The following MLPH variants were observed in gnomAD, a reference collection of about 807,000 sequenced individuals.
MLPH encodes exophilin-3.
A neutral mutation model predicts 72.1 loss-of-function variants in MLPH; 51 were observed. The observed-to-expected ratio is 0.71, with a 90% CI of 0.56 to 0.89. The LOEUF (loss-of-function observed/expected upper bound fraction) is 0.89. Ranked by LOEUF, MLPH falls within the 40% of genes least tolerant of loss-of-function variation. The pLI is 0.00. For synonymous variants in MLPH, 301 were observed against 310.1 expected (o/e 0.97, Z 0.31); for missense variants, 743 against 759.9 (o/e 0.98, Z 0.26).
Position 237,525,790 on chromosome 2 carries a change from A to C in MLPH, c.865A>C (p.Thr289Pro). ...PGGSHRMALG[T>P]AAALGSNVIR... ...AGGCTCCCACAGGATGGCCCTGGGGACTGCTGCTGCACTCGGTAGGTGCCC... is the reference window on the plus strand; with the variant it reads ...AGGCTCCCACAGGATGGCCCTGGGGCCTGCTGCTGCACTCGGTAGGTGCCC... Residue 289 changes from threonine (T) to proline (P), a missense_variant, in exon 7 of 16, where the codon ACT becomes CCT. Coordinates refer to ENST00000264605, the MANE Select transcript of MLPH (RefSeq NM_024101.7). 6.2e-7 allele frequency: 1 copy of C among 1,612,820 alleles called. No homozygotes were observed. Among genetic ancestry groups the C allele is most frequent in the Non-Finnish European group, 8.5e-7 (1 of 1,180,012 alleles).
At position 237,510,363 on chromosome 2, in the gene MLPH, AC is replaced by A. The variant is rs1319493681; in HGVS notation, c.111-209del. Reference sequence around the variant, plus strand: ...AACGTGTTTCCATTCCATTCCAGCCACCAAAATTGCCCGTTTGAGCTCAGCC... The same window carrying A: ...AACGTGTTTCCATTCCATTCCAGCCACAAAATTGCCCGTTTGAGCTCAGCC... On this transcript the variant is annotated intron_variant, in intron 2 of 15. Transcript: ENST00000264605. This position sits in a 1 kb window ranked among gnomAD's most constrained non-coding sequence, Gnocchi z 4.4. The A allele has an allele frequency of 1.3e-5, 8 of 629,200 alleles. No homozygotes were observed. The Admixed American group carries it at 1.9e-4, about 15-fold the overall frequency. The allele number at this position is 629,200 out of a possible 1,614,324, so 39.0% of individuals were successfully genotyped here. A position where few individuals can be genotyped will look rare whatever the true frequency, so the allele number is the denominator to read the frequency against.
chr2:237,527,221 C>T lies in MLPH; in HGVS notation c.881-156C>T, dbSNP rs140724962. 406 of 883,260 alleles carry T rather than the reference C, an allele frequency of 4.6e-4. 1 individual carries two copies. In the African/African-American group the frequency reaches 5.3e-3, roughly 11 times the overall value. 54.7% of individuals were successfully genotyped at this position (883,260 alleles called of 1,614,324 possible). A position where few individuals can be genotyped will look rare whatever the true frequency, so the allele number is the denominator to read the frequency against. On this transcript the variant is annotated intron_variant, in intron 7 of 15. Transcript: ENST00000264605. ...CTTTGTGTGTGGCTGTGGAATCTGC[C>T]CCATTCTTATTGTGACTTTGGAACC...
intron 8 of MLPH, 132 bp from the exon 9 acceptor site, chr2:237,534,432 T>A: frequency 1.3e-6 from 1 of 766,416 alleles, no homozygotes; most frequent in South Asian, 1.4e-5. Context: ...TCCCAGGCCA[T>A]GTCATGGGTG....
chr2:237,523,156 TAGTG>T, intron 6 of MLPH, among the ~76,000 whole-genome samples: 1 of 152,288 alleles, frequency 6.6e-6, no homozygotes, highest in South Asian at 2.1e-4. Flanking sequence ...GTGTGAAGCT[TAGTG>T]AGGGTTTGAG....
chr2:237,495,294 C>T (rs1421751267), intron 2 of MLPH, among the ~76,000 whole-genome samples: 5 of 152,224 alleles, frequency 3.3e-5, no homozygotes, highest in Admixed American at 6.5e-5. Context: ...GTCATTCCAT[C>T]GGCAAAGTCC....
At chr2:237,506,273 G>C (rs2079769612) in intron 2 of MLPH, among the ~76,000 whole-genome samples, 2 of 152,128 alleles carry the variant, frequency 1.3e-5, no homozygotes, top group South Asian at 4.1e-4. Flanking sequence ...TATAAATACA[G>C]TTTTTATAAA....
In MLPH at chr2:237,541,074, T is replaced by C; in HGVS notation, c.1446+117T>C. The C allele has an allele frequency of 7.5e-7, 1 of 1,342,184 alleles. No individual in the cohort carries two copies. The highest frequency in any genetic ancestry group is 1.0e-6 in the Non-Finnish European group (1 of 960,636). 83.1% of individuals were successfully genotyped at this position (1,342,184 alleles called of 1,614,324 possible). On this transcript the variant is annotated intron_variant, in intron 11 of 15. Transcript: ENST00000264605. The surrounding 1 kb of genome is among the most constrained non-coding windows in gnomAD (Gnocchi z 5.1). ...CCAGCTCACACTGAGCCCTCCCCAT[T>C]GGCCCAGCATGCACGGCTCTGAAGG...
chr2:237,545,346 C>T (rs2080892054), intron 12 of MLPH: 2 of 911,776 alleles, frequency 2.2e-6, no homozygotes, highest in African/African-American at 1.7e-5. Flanking sequence ...CTGGGCCCCC[C>T]ACCTCCCTTC....
chr2:237,554,131 C>T lies in MLPH; in HGVS notation c.*539C>T. On this transcript the variant is annotated 3_prime_UTR_variant, in exon 16 of 16. Coordinates refer to ENST00000264605, the MANE Select transcript of MLPH (RefSeq NM_024101.7). ...TGCTGAATAATGAAGGAGGAATAGA[C>T]ACCCCAGTCCCCACCCTACGTGCAC... The T allele has an allele frequency of 7.6e-6, 2 of 262,656 alleles. No individual in the cohort carries two copies. The highest frequency in any genetic ancestry group is 9.8e-5 in the South Asian group (2 of 20,334). 16.3% of individuals were successfully genotyped at this position (262,656 alleles called of 1,614,324 possible).
intron 4 of MLPH, among the ~76,000 whole-genome samples, chr2:237,516,083 G>C (rs2080011206): frequency 6.6e-6 from 1 of 152,240 alleles, no homozygotes; most frequent in South Asian, 2.1e-4. Context: ...TCACACCTGT[G>C]ACCCGTGAGG....
rs2079757445 is a variant in MLPH at position 237,505,855 on chromosome 2, A to G, written c.111-4719A>G. Among the ~76,000 whole-genome samples, 1 of 152,176 alleles carries G rather than the reference A, an allele frequency of 6.6e-6. No individual in the cohort carries two copies. The highest frequency in any genetic ancestry group is 1.5e-5 in the Non-Finnish European group (1 of 68,032). On this transcript the variant is annotated intron_variant, in intron 2 of 15. Coordinates refer to ENST00000264605, the MANE Select transcript of MLPH (RefSeq NM_024101.7). The surrounding 1 kb of genome is among the most constrained non-coding windows in gnomAD (Gnocchi z 4.5). ...GTCACAGCTCTGGCATGCGTGTCCC[A>G]GGGCCCTCTGGAGGTGGGACTGCAG...
chr2:237,499,643 C>T (rs1422542416), intron 2 of MLPH, among the ~76,000 whole-genome samples: 1 of 152,090 alleles, frequency 6.6e-6, no homozygotes, highest in African/African-American at 2.4e-5. Context: ...GCTCAGCACC[C>T]AATGAAAATA....
intron 6 of MLPH, among the ~76,000 whole-genome samples, chr2:237,523,285 T>C (rs1291179667): frequency 6.6e-6 from 1 of 152,152 alleles, no homozygotes; most frequent in Non-Finnish European, 1.5e-5. Flanking sequence ...GTAATTTGGG[T>C]ATGAACCTTT....
At chr2:237,520,522 A>G (rs1423814469) in intron 6 of MLPH, among the ~76,000 whole-genome samples, 2 of 152,214 alleles carry the variant, frequency 1.3e-5, no homozygotes, top group African/African-American at 4.8e-5. Context: ...GGGCATGCGC[A>G]GGGGCCATCC....
At chr2:237,527,065 T>C (rs1240573919) in intron 7 of MLPH, among the ~76,000 whole-genome samples, 1 of 152,182 alleles carries the variant, frequency 6.6e-6, no homozygotes, top group Admixed American at 6.5e-5. Flanking sequence ...TATGATCTTA[T>C]CATGGAATCT....
At chr2:237,493,801 T>C (rs185495455) in intron 2 of MLPH, among the ~76,000 whole-genome samples, 5 of 152,320 alleles carry the variant, frequency 3.3e-5, no homozygotes, top group Non-Finnish European at 4.4e-5. Context: ...CTAAGCCAGG[T>C]GATACTTAGG....
In MLPH at chr2:237,518,598, G is replaced by A. The variant is rs1414639393; in HGVS notation, c.505G>A (p.Gly169Arg). 1.2e-6 allele frequency: 2 copies of A among 1,613,832 alleles called. No homozygotes were observed. Among genetic ancestry groups the A allele is most frequent in the South Asian group, 1.1e-5 (1 of 91,044 alleles). The change falls in exon 5 of 16, where the codon GGA (glycine) becomes AGA (arginine). Residue 169 changes from glycine (G) to arginine (R), a missense_variant. Gly to Arg is a moderately radical substitution (Grantham distance 125). Transcript: ENST00000264605. ...AGACAGCGACCAGACAGATGAGGAT[G>A]GAGAACCTGGCTCAGAGGCCCAGGC... Reference protein sequence around the residue: ...SGDSDQTDEDGEPGSEAQAQA... With the variant: ...SGDSDQTDEDREPGSEAQAQA...
chr2:237,516,188 T>G (rs1290037847), intron 4 of MLPH, among the ~76,000 whole-genome samples: 1 of 152,220 alleles, frequency 6.6e-6, no homozygotes, highest in Non-Finnish European at 1.5e-5. Flanking sequence ...GTGCCAGCTG[T>G]GCCCTCAGCC....
chr2:237,549,429 C>T (rs944598083), intron 14 of MLPH, 151 bp downstream of exon 14: 193 of 838,296 alleles, frequency 2.3e-4, no homozygotes, highest in Non-Finnish European at 3.4e-4. Context: ...GCCGCTCGGG[C>T]CACCCTCAGG....
Sources: gnomAD v4.1 joint callset for allele counts (sites outside exome capture counted in the v4.1 genomes callset) on GRCh38, gnomAD v4.1.1 for gene constraint, Gnocchi (gnomAD v3.1) non-coding constraint, MANE v1.5 for transcripts, NCBI Gene and HGNC (gene_info 2026-07-23, HGNC 2026-07-21) for gene names.